The following IGF2BP2 variants were observed in gnomAD, a reference collection of about 807,000 sequenced individuals.
The protein encoded by IGF2BP2 is insulin-like growth factor 2 mRNA-binding protein 2.
A neutral mutation model predicts 75.8 loss-of-function variants in IGF2BP2; 17 were observed. The observed-to-expected ratio is 0.22, with a 90% confidence interval of 0.15 to 0.34. IGF2BP2 has a LOEUF of 0.34. Among genes scored for constraint, IGF2BP2 ranks in the 10% least tolerant of loss-of-function variants. The probability of loss-of-function intolerance (pLI) is 1.00; values close to 1 mark genes in which losing one functional copy is unlikely to be tolerated. For missense variants in IGF2BP2, 516 were observed against 772.4 expected (o/e 0.67, Z 3.93); for synonymous variants, 288 against 295.6 (o/e 0.97, Z 0.26).
At chr3:185,822,003 T>TAA (rs150655061) in intron 2 of IGF2BP2, among the ~76,000 whole-genome samples, 3 of 148,626 alleles carry the variant, frequency 2.0e-5, no homozygotes, top group African/African-American at 7.4e-5. Context: ...TTTTTTAAAT[T>TAA]AAAAAAAAAA....
At chr3:185,776,824 A>C (rs1734593557) in intron 2 of IGF2BP2, among the ~76,000 whole-genome samples, 1 of 152,208 alleles carries the variant, frequency 6.6e-6, no homozygotes, top group Admixed American at 6.5e-5. Context: ...CAACTTTCTC[A>C]AACATTCCAA....
intron 2 of IGF2BP2, chr3:185,729,640 T>C (rs563619277): frequency 5.3e-5 from 8 of 152,356 alleles, no homozygotes; most frequent in African/African-American, 1.9e-4. Context: ...AAAATTTTAA[T>C]GTAACAGAAT....
At chr3:185,823,018 T>G in intron 2 of IGF2BP2, 135 bp downstream of exon 2, 2 of 538,010 alleles carry the variant, frequency 3.7e-6, no homozygotes, top group Non-Finnish European at 6.5e-6. Context: ...CTTTCTAAAC[T>G]ATGTATCTCC....
intron 2 of IGF2BP2, among the ~76,000 whole-genome samples, chr3:185,760,087 T>C (rs958282662): frequency 6.6e-6 from 1 of 152,220 alleles, no homozygotes; most frequent in East Asian, 1.9e-4. Flanking sequence ...AGCCATTTCC[T>C]TATACTAGCA....
At chr3:185,760,419 C>G (rs565459697) in intron 2 of IGF2BP2, among the ~76,000 whole-genome samples, 1 of 152,154 alleles carries the variant, frequency 6.6e-6, no homozygotes, top group Non-Finnish European at 1.5e-5. Flanking sequence ...AAAACTCACC[C>G]ATTTAAAGTG....
chr3:185,818,155 T>C (rs1476509043), intron 2 of IGF2BP2, among the ~76,000 whole-genome samples: 2 of 152,336 alleles, frequency 1.3e-5, no homozygotes, highest in East Asian at 3.9e-4. Context: ...CAAAATACCA[T>C]ATTGCTTTTC....
intron 2 of IGF2BP2, among the ~76,000 whole-genome samples, chr3:185,784,447 C>T (rs1204669807): frequency 2.6e-5 from 4 of 152,136 alleles, no homozygotes; most frequent in Non-Finnish European, 5.9e-5. Flanking sequence ...CTCATCCCAC[C>T]CGTCAAAGGC....
intron 7 of IGF2BP2, among the ~76,000 whole-genome samples, chr3:185,683,034 A>C (rs2149282700): frequency 6.6e-6 from 1 of 152,346 alleles, no homozygotes; most frequent in South Asian, 2.1e-4. Flanking sequence ...AAGAAGCAGA[A>C]GACCTCAAAA....
At chr3:185,698,393 A>C in intron 2 of IGF2BP2, 46 bp from the exon 3 acceptor site, 1 of 1,545,540 alleles carries the variant, frequency 6.5e-7, no homozygotes, top group African/African-American at 1.4e-5. Flanking sequence ...CCAGGACACA[A>C]ACTACAGCAA....
chr3:185,733,494 C>T (rs887888564), intron 2 of IGF2BP2, among the ~76,000 whole-genome samples: 34 of 152,274 alleles, frequency 2.2e-4, no homozygotes, highest in African/African-American at 6.7e-4. Flanking sequence ...CGGTGGCTCA[C>T]GCCTGTAATC....
intron 2 of IGF2BP2, among the ~76,000 whole-genome samples, chr3:185,746,914 G>A (rs1043372932): frequency 1.3e-5 from 2 of 152,174 alleles, no homozygotes; most frequent in African/African-American, 4.8e-5. Context: ...ATGCAAATGT[G>A]ACCCTGCTAA....
chr3:185,682,314 T>C (rs776940309), intron 7 of IGF2BP2, among the ~76,000 whole-genome samples: 1 of 152,158 alleles, frequency 6.6e-6, no homozygotes, highest in Non-Finnish European at 1.5e-5. Context: ...ATTAATGCAG[T>C]TATCACAGAG....
intron 10 of IGF2BP2, among the ~76,000 whole-genome samples, chr3:185,664,834 G>T (rs755357619): frequency 6.6e-6 from 1 of 152,104 alleles, no homozygotes; most frequent in African/African-American, 2.4e-5. Context: ...TCCAGAAGGA[G>T]AAAATAAAGT....
At chr3:185,798,100 T>C (rs1217214980) in intron 2 of IGF2BP2, among the ~76,000 whole-genome samples, 1 of 151,538 alleles carries the variant, frequency 6.6e-6, no homozygotes, top group African/African-American at 2.4e-5. Context: ...ACTCATGAGG[T>C]TGAGGCAAGA....
At chr3:185,769,870 A>AGTC (rs939641334) in intron 2 of IGF2BP2, among the ~76,000 whole-genome samples, 4 of 150,768 alleles carry the variant, frequency 2.7e-5, no homozygotes, top group Non-Finnish European at 5.9e-5. Flanking sequence ...ATTTCATCTC[A>AGTC]GTCACAAAAC....
At position 185,645,439 on chromosome 3, in the gene IGF2BP2, G is replaced by C. The variant is rs1190420324; in HGVS notation, c.*92C>G. 2.3e-6 allele frequency: 2 copies of C among 884,240 alleles called. No homozygotes were observed. The highest frequency in any genetic ancestry group is 3.7e-6 in the Non-Finnish European group (2 of 535,428). 54.8% of individuals were successfully genotyped at this position (884,240 alleles called of 1,614,324 possible). A position where few individuals can be genotyped will look rare whatever the true frequency, so the allele number is the denominator to read the frequency against. On this transcript the variant is annotated 3_prime_UTR_variant, in exon 16 of 16. Transcript: ENST00000382199. This position sits in a 1 kb window ranked among gnomAD's most constrained non-coding sequence, Gnocchi z 4.9. ...TCATTCCTCAGATGGTCTTTGGTTT[G>C]CTCCCGATCTGGCTGGCTGCGTTTG...
rs1026066705 is a variant in IGF2BP2, at chr3:185,644,013, AAAG to A, written c.*1515_*1517del. On this transcript the variant is annotated 3_prime_UTR_variant, in exon 16 of 16. Coordinates refer to ENST00000382199, the MANE Select transcript of IGF2BP2 (RefSeq NM_006548.6). ...AATAAACATTTTCAAGGTTTGTCCA[AAAG>A]AAGGCCATATAGGTTCTTGGCTAGC... 3 of 152,228 alleles carry A rather than the reference AAAG, an allele frequency of 2.0e-5. No homozygotes were observed. The highest frequency in any genetic ancestry group is 7.3e-5 in the African/African-American group (3 of 41,376). The allele number at this position is 152,228 out of a possible 1,614,324, so 9.4% of individuals were successfully genotyped here.
At chr3:185,778,077 C>T (rs1734746768) in intron 2 of IGF2BP2, among the ~76,000 whole-genome samples, 1 of 152,010 alleles carries the variant, frequency 6.6e-6, no homozygotes, top group Non-Finnish European at 1.5e-5. Context: ...GTATCACTTA[C>T]TGTCATGCAT....
Position 185,686,837 on chromosome 3 carries a change from C to G in IGF2BP2, c.812+220G>C, listed in dbSNP as rs183179348. On this transcript the variant is annotated intron_variant, in intron 7 of 15. Coordinates refer to ENST00000382199, the MANE Select transcript of IGF2BP2 (RefSeq NM_006548.6). ...CAATGGGTGATAGAAGCATCAAAAT[C>G]ACCGAGAGACATGCAAGTGAAGAGA... Among the ~76,000 whole-genome samples the G allele has an allele frequency of 3.5e-3, 533 of 152,162 alleles. 4 individuals are homozygous for G. Among genetic ancestry groups the G allele is most frequent in the Non-Finnish European group, 5.8e-3 (392 of 68,000 alleles).
Sources: gnomAD v4.1 joint callset for allele counts (sites outside exome capture counted in the v4.1 genomes callset) on GRCh38, gnomAD v4.1.1 for gene constraint, Gnocchi (gnomAD v3.1) non-coding constraint, MANE v1.5 for transcripts, NCBI Gene and HGNC (gene_info 2026-07-23, HGNC 2026-07-21) for gene names.